Variants in PCDHA5 observed in about 807,000 individuals in gnomAD.
PCDHA5 encodes the protein protocadherin alpha 5, also known as protocadherin alpha-5.
In PCDHA5, 43 loss-of-function variants were observed where a neutral mutation model predicts 61.6. That is an observed-to-expected ratio of 0.70 (90% CI 0.55 to 0.90). The LOEUF is 0.90. Ranked by LOEUF, PCDHA5 falls within the 40% of genes least tolerant of loss-of-function variation. PCDHA5 has a pLI of 0.00. For missense variants in PCDHA5, 1,298 were observed against 1,222.7 expected, an observed-to-expected ratio of 1.06 and a Z score of -0.92; for synonymous variants, 627 against 543.9, an observed-to-expected ratio of 1.15 and a Z score of -2.13.
intron 1 of PCDHA5, among the ~76,000 whole-genome samples, chr5:140,947,996 T>G (rs185303145): frequency 1.1e-4 from 14 of 126,854 alleles, no homozygotes; most frequent in Non-Finnish European, 2.3e-4. Flanking sequence ...CCAAATACTT[T>G]ATTAAATTTA....
chr5:140,858,809 A>G (rs2045602165), intron 1 of PCDHA5: 1 of 352,582 alleles, frequency 2.8e-6, no homozygotes, highest in African/African-American at 2.2e-5. Flanking sequence ...CTAAATTTTG[A>G]TTTGATTGTA....
chr5:140,902,622 A>C (rs1328816868), intron 1 of PCDHA5, among the ~76,000 whole-genome samples: 2 of 152,068 alleles, frequency 1.3e-5, no homozygotes, highest in Non-Finnish European at 2.9e-5. Flanking sequence ...TGGGTAAGTT[A>C]TTTAGTGGTG....
At chr5:140,863,307 C>G in intron 1 of PCDHA5, 1 of 1,462,496 alleles carries the variant, frequency 6.8e-7, no homozygotes. Context: ...TCGCCATCTG[C>G]GTGGTGTCCA....
chr5:140,870,917 G>A, intron 1 of PCDHA5: 1 of 1,613,936 alleles, frequency 6.2e-7, no homozygotes, highest in Non-Finnish European at 8.5e-7. Flanking sequence ...TACAACGCGT[G>A]GCTTTCATAT....
At chr5:140,829,450 G>T (rs2150168198) in intron 1 of PCDHA5, 1 of 1,613,936 alleles carries the variant, frequency 6.2e-7, no homozygotes, top group Non-Finnish European at 8.5e-7. Context: ...ACAATGCTCC[G>T]GCGTTCGCGC....
At chr5:140,986,823 A>G (rs2097214089) in intron 3 of PCDHA5, among the ~76,000 whole-genome samples, 1 of 152,166 alleles carries the variant, frequency 6.6e-6, no homozygotes, top group Admixed American at 6.5e-5. Context: ...TTTGGTTTAG[A>G]CAATGGTTCT....
Position 140,926,837 on chromosome 5 carries a change from G to A in PCDHA5, c.2353-52112G>A, listed in dbSNP as rs1170899993. 11 of 1,513,410 alleles carry A rather than the reference G, an allele frequency of 7.3e-6. No individual in the cohort carries two copies. In the African/African-American group the frequency reaches 1.4e-4, roughly 19 times the overall value. 93.7% of individuals were successfully genotyped at this position (1,513,410 alleles called of 1,614,324 possible). ...GTGCTCTCCAGGAGTCCGGAGCATG[G>A]TCCTGGGTCACCGTTGGTGTAGCGT... On this transcript the variant is annotated intron_variant, in intron 1 of 3. Coordinates refer to ENST00000529859, the MANE Select transcript of PCDHA5 (RefSeq NM_018908.3).
chr5:140,902,859 A>G (rs964505072), intron 1 of PCDHA5, among the ~76,000 whole-genome samples: 18 of 152,208 alleles, frequency 1.2e-4, no homozygotes, highest in African/African-American at 4.3e-4. Context: ...AATGGCGTCC[A>G]GGTCCACCCA....
intron 1 of PCDHA5, among the ~76,000 whole-genome samples, chr5:140,885,790 G>T (rs141648269): frequency 0.012 from 1,822 of 152,058 alleles, 11 homozygotes; most frequent in Non-Finnish European, 0.018. Context: ...TGAGCATATT[G>T]TCATATGTAT....
intron 1 of PCDHA5, among the ~76,000 whole-genome samples, chr5:140,902,277 A>G (rs1257357376): frequency 1.3e-5 from 2 of 149,170 alleles, no homozygotes; most frequent in African/African-American, 5.0e-5. Flanking sequence ...GGCTCAAGCA[A>G]TCCTCCTGCC....
intron 1 of PCDHA5, chr5:140,843,614 C>A: frequency 6.3e-7 from 1 of 1,596,062 alleles, no homozygotes; most frequent in Non-Finnish European, 8.6e-7. Flanking sequence ...TGAGGGGCCA[C>A]CGAAGACGGA....
At position 140,835,744 on chromosome 5, in the gene PCDHA5, C is replaced by T. The variant is rs2150243838; in HGVS notation, c.2352+11617C>T. On this transcript the variant is annotated intron_variant, in intron 1 of 3. Coordinates refer to ENST00000529859, the MANE Select transcript of PCDHA5 (RefSeq NM_018908.3). ...GCCGACGTGAACGACAACGCCCCGG[C>T]GTTCGCGCAGCCCGAGTATACGGTG... is the stretch of plus-strand genomic sequence containing the variant. The T allele has an allele frequency of 5.6e-6, 9 of 1,613,652 alleles. No homozygotes were observed. The Admixed American group carries it at 1.3e-4, about 24-fold the overall frequency.
intron 3 of PCDHA5, among the ~76,000 whole-genome samples, chr5:140,985,216 C>G (rs1009954667): frequency 1.3e-5 from 2 of 152,186 alleles, no homozygotes; most frequent in Non-Finnish European, 2.9e-5. Flanking sequence ...GGATTACAGG[C>G]GTGAGCCACC....
chr5:141,002,141 A>G (rs1554258528), intron 3 of PCDHA5, among the ~76,000 whole-genome samples: 3 of 152,258 alleles, frequency 2.0e-5, no homozygotes, highest in Admixed American at 6.5e-5. Context: ...TGCCGGCTGC[A>G]CTGACTTAGC....
intron 1 of PCDHA5, chr5:140,853,297 G>A: frequency 2.0e-6 from 2 of 981,768 alleles, no homozygotes; most frequent in African/African-American, 3.5e-5. Context: ...TCTCAGAAGG[G>A]CTGTGAACAC....
intron 1 of PCDHA5, chr5:140,848,253 T>C (rs1021743216): frequency 2.3e-5 from 11 of 469,010 alleles, no homozygotes; most frequent in African/African-American, 2.1e-4. Flanking sequence ...AGAATAACTG[T>C]GAAATTTTTA....
In PCDHA5 at chr5:140,835,338, C is replaced by T. The variant is rs2150234126; in HGVS notation, c.2352+11211C>T. The T allele has an allele frequency of 1.4e-5, 22 of 1,613,678 alleles. No individual in the cohort carries two copies. The South Asian group carries it at 2.2e-4, about 16-fold the overall frequency. ...TGAAGAAAGTAGAGCACACAAGATCCCAGTCGAGGCTGTCGATAAAGGCTT... is the reference window on the plus strand; with the variant it reads ...TGAAGAAAGTAGAGCACACAAGATCTCAGTCGAGGCTGTCGATAAAGGCTT... On this transcript the variant is annotated intron_variant, in intron 1 of 3. Transcript: ENST00000529859.
intron 1 of PCDHA5, among the ~76,000 whole-genome samples, chr5:140,941,795 T>G (rs1175900170): frequency 5.9e-5 from 9 of 152,226 alleles, no homozygotes; most frequent in Admixed American, 2.6e-4. Flanking sequence ...CCAAGAATAT[T>G]TAGTTGATTT....
intron 1 of PCDHA5, chr5:140,852,963 C>A: frequency 2.4e-6 from 1 of 424,740 alleles, no homozygotes; most frequent in Non-Finnish European, 3.3e-6. Context: ...ACTCCAAGCT[C>A]CCCCTCCCGT....
Sources: allele counts gnomAD v4.1 joint callset (sites outside exome capture counted in the v4.1 genomes callset), GRCh38; gene constraint gnomAD v4.1.1; transcripts MANE v1.5; gene names NCBI Gene and HGNC (gene_info 2026-07-23, HGNC 2026-07-21).